The following SLC25A32 variants were observed in gnomAD, a reference collection of about 807,000 sequenced individuals.
The protein encoded by SLC25A32 is solute carrier family 25 member 32.
In SLC25A32, 32 loss-of-function variants were observed where a neutral mutation model predicts 39.0. That is an observed-to-expected ratio of 0.82 (90% confidence interval 0.62 to 1.10). The LOEUF is 1.10. Ranked by LOEUF, SLC25A32 falls within the 50% of genes least tolerant of loss-of-function variation. The probability of loss-of-function intolerance (pLI) is 0.00; values close to 1 mark genes in which losing one functional copy is unlikely to be tolerated. For synonymous variants in SLC25A32, 166 were observed against 152.4 expected, an observed-to-expected ratio of 1.09 and a Z score of -0.66; for missense variants, 367 against 395.3, an observed-to-expected ratio of 0.93 and a Z score of 0.61.
intron 1 of SLC25A32, among the ~76,000 whole-genome samples, chr8:103,409,917 G>T (rs1042633545): frequency 1.3e-5 from 2 of 152,154 alleles, no homozygotes; most frequent in East Asian, 1.9e-4. Context: ...GTACCTCACC[G>T]GGTTTTTTGA....
At position 103,401,622 on chromosome 8, in the gene SLC25A32, T is replaced by C; in HGVS notation, c.706A>G (p.Ile236Val). ...EYISVAALSK[I>V]FAVAATYPYQ... is the part of the protein sequence containing the mutation. ...GGGTATGTTGCTGCGACAGCAAATATTTTGGATAGTGCTGCAACAGATATA... is the reference window on the plus strand; with the variant it reads ...GGGTATGTTGCTGCGACAGCAAATACTTTGGATAGTGCTGCAACAGATATA... Residue 236 changes from isoleucine to valine, a missense_variant, in exon 6 of 7, where the codon ATA (isoleucine) becomes GTA (valine). Coordinates refer to ENST00000297578, the MANE Select transcript of SLC25A32 (RefSeq NM_030780.5). 6.2e-7 allele frequency: 1 copy of C among 1,613,474 alleles called. No homozygotes were observed. Among genetic ancestry groups the C allele is most frequent in the Admixed American group, 1.7e-5 (1 of 59,900 alleles).
Position 103,400,583 on chromosome 8 carries a change from T to C in SLC25A32, c.813-37A>G, listed in dbSNP as rs752078662. ...AAAATAGATAATGCTTAATTTTGTA[T>C]AGAGCTAGCTTGAAAACACGGAAGT... On this transcript the variant is annotated intron_variant, in intron 6 of 6. Coordinates refer to ENST00000297578, the MANE Select transcript of SLC25A32 (RefSeq NM_030780.5). The C allele has an allele frequency of 3.2e-5, 51 of 1,605,830 alleles. No homozygotes were observed. In the South Asian group the frequency reaches 4.0e-4, roughly 13 times the overall value.
At chr8:103,401,912 T>C (rs377027414) in intron 5 of SLC25A32, 29 bp downstream of exon 5, 6 of 1,561,226 alleles carry the variant, frequency 3.8e-6, no homozygotes, top group South Asian at 1.2e-5. Flanking sequence ...TAAAAGGAAA[T>C]GATATCATTT....
chr8:103,407,829 C>T (rs528929801), intron 1 of SLC25A32, 45 bp from the exon 2 acceptor site: 1 of 1,547,882 alleles, frequency 6.5e-7, no homozygotes, highest in East Asian at 2.3e-5. Context: ...AAAGTTCTAG[C>T]TCTGTATCAC....
chr8:103,405,184 G>A (rs966119892), intron 2 of SLC25A32, among the ~76,000 whole-genome samples: 2 of 152,162 alleles, frequency 1.3e-5, no homozygotes, highest in South Asian at 4.1e-4. Context: ...AAGACAAAAG[G>A]GACCAAAGAA....
chr8:103,404,703 A>G, intron 3 of SLC25A32, 73 bp downstream of exon 3: 1 of 989,236 alleles, frequency 1.0e-6, no homozygotes. Context: ...GTGTTCAAAG[A>G]AAAGAAATCA....
At chr8:103,412,335 G>A (rs1002090170) in intron 1 of SLC25A32, among the ~76,000 whole-genome samples, 4 of 152,138 alleles carry the variant, frequency 2.6e-5, no homozygotes, top group African/African-American at 9.7e-5. Context: ...TGCAGATTAG[G>A]CTTTTGGGTA....
chr8:103,405,948 T>G (rs1816320443), intron 2 of SLC25A32, among the ~76,000 whole-genome samples: 1 of 151,972 alleles, frequency 6.6e-6, no homozygotes, highest in Non-Finnish European at 1.5e-5. Flanking sequence ...GGATTACAGG[T>G]GTGAGCCACT....
Position 103,400,406 on chromosome 8 carries a change from T to C in SLC25A32, c.*5A>G. 4 of 1,614,118 alleles carry C rather than the reference T, an allele frequency of 2.5e-6. No individual in the cohort carries two copies. The highest frequency in any genetic ancestry group is 3.4e-6 in the Non-Finnish European group (4 of 1,179,988). On this transcript the variant is annotated 3_prime_UTR_variant, in exon 7 of 7. Coordinates refer to ENST00000297578, the MANE Select transcript of SLC25A32 (RefSeq NM_030780.5). ...GCAGATATACTGGAATTGTCCTCTT[T>C]GAGCTTACTTTCTCTTTTCTCTAAG...
In SLC25A32 at chr8:103,404,849, G is replaced by C. The variant is rs1816294851; in HGVS notation, c.318C>G (p.Ile106Met). Residue 106 changes from isoleucine to methionine, a missense_variant, in exon 3 of 7, where the codon ATC becomes ATG. By Grantham distance (10) the Ile-to-Met change is conservative. Transcript: ENST00000297578. Reference sequence around the variant, plus strand: ...CTCTTCCTTCTGTTTTATATGACTTGATGGCATTGTAACTAAAAGAATTAA... The same window carrying C: ...CTCTTCCTTCTGTTTTATATGACTTCATGGCATTGTAACTAAAAGAATTAA... The part of the protein sequence containing the change: ...WGLYFFFYNA[I>M]KSYKTEGRAE... 1.9e-6 allele frequency: 3 copies of C among 1,609,492 alleles called. No individual in the cohort carries two copies. The African/African-American group carries it at 4.0e-5, about 21-fold the overall frequency.
chr8:103,407,804 AAGTC>A lies in SLC25A32; in HGVS notation c.155-24_155-21del. The stretch of plus-strand genomic sequence containing the variant: ...CACTCACTGCATCAAGGGATACACA[AAGTC>A]AGGTAAGAACAAAGTTCTAGCTCTG... On this transcript the variant is annotated intron_variant, in intron 1 of 6. Transcript: ENST00000297578. 6.2e-7 allele frequency: 1 copy of A among 1,608,514 alleles called. No homozygotes were observed. The highest frequency in any genetic ancestry group is 8.5e-7 in the Non-Finnish European group (1 of 1,176,210).
At chr8:103,409,390 T>C (rs145598527) in intron 1 of SLC25A32, among the ~76,000 whole-genome samples, 5 of 152,276 alleles carry the variant, frequency 3.3e-5, no homozygotes, top group East Asian at 1.9e-4. Context: ...TTCCATCTTA[T>C]AGATATCCCA....
chr8:103,400,132 T>C lies in SLC25A32; in HGVS notation c.*279A>G, dbSNP rs1002291817. 1.0e-5 allele frequency: 4 copies of C among 388,788 alleles called. No individual in the cohort carries two copies. Among genetic ancestry groups the C allele is most frequent in the Non-Finnish European group, 1.8e-5 (4 of 216,398 alleles). The allele number at this position is 388,788 out of a possible 1,614,324, so 24.1% of individuals were successfully genotyped here. On this transcript the variant is annotated 3_prime_UTR_variant, in exon 7 of 7. Transcript: ENST00000297578. ...AATGTTGCAAATCAGCTTCCACCAA[T>C]AAAACGTAGAAATCTGTGAAACTCT...
At chr8:103,403,669 C>T (rs1362463495) in intron 3 of SLC25A32, among the ~76,000 whole-genome samples, 1 of 152,122 alleles carries the variant, frequency 6.6e-6, no homozygotes, top group African/African-American at 2.4e-5. Flanking sequence ...TAAGCAGATA[C>T]AGACCTTAGG....
At chr8:103,410,101 T>A (rs924208073) in intron 1 of SLC25A32, among the ~76,000 whole-genome samples, 1 of 152,110 alleles carries the variant, frequency 6.6e-6, no homozygotes, top group African/African-American at 2.4e-5. Flanking sequence ...AATAATAAAC[T>A]CACAATACCA....
intron 1 of SLC25A32, among the ~76,000 whole-genome samples, chr8:103,412,775 T>C (rs757849051): frequency 2.3e-4 from 35 of 152,200 alleles, no homozygotes; most frequent in South Asian, 4.1e-4. Context: ...GAGTTCCAAT[T>C]TATACTTGAA....
chr8:103,415,054 A>T lies in SLC25A32; in HGVS notation c.-117T>A, dbSNP rs768382507. The T allele has an allele frequency of 2.5e-6, 4 of 1,598,142 alleles. No individual in the cohort carries two copies. In the South Asian group the frequency reaches 4.4e-5, roughly 18 times the overall value. On this transcript the variant is annotated 5_prime_UTR_variant, in exon 1 of 7. In the 5' UTR this introduces an upstream ATG that the reference lacks. Coordinates refer to ENST00000297578, the MANE Select transcript of SLC25A32 (RefSeq NM_030780.5). ...GAGCGCAACCCCACCTCCGGGACCA[A>T]CGAGAGGACTCTTATGCCCAAGGCG...
At chr8:103,403,846 A>G (rs2130440455) in intron 3 of SLC25A32, among the ~76,000 whole-genome samples, 1 of 152,326 alleles carries the variant, frequency 6.6e-6, no homozygotes, top group South Asian at 2.1e-4. Flanking sequence ...TAATTATGTA[A>G]TACAGTAAGT....
At position 103,414,934 on chromosome 8, in the gene SLC25A32, T is replaced by C; in HGVS notation, c.4A>G (p.Thr2Ala). 1 of 1,603,506 alleles carries C rather than the reference T, an allele frequency of 6.2e-7. No homozygotes were observed. ...CCGGACGCCGACTGGCCCTGGCCCG[T>C]CATAGGCTCGGGGCCCGTCGACACC... M[T>A]GQGQSASGSS... Residue 2 changes from threonine to alanine, a missense_variant, in exon 1 of 7, where the codon ACG (threonine) becomes GCG (alanine). By Grantham distance (58) the Thr-to-Ala change is moderately conservative. Transcript: ENST00000297578.
Sources: allele counts gnomAD v4.1 joint callset (sites outside exome capture counted in the v4.1 genomes callset), GRCh38; gene constraint gnomAD v4.1.1; transcripts MANE v1.5; gene names NCBI Gene and HGNC (gene_info 2026-07-23, HGNC 2026-07-21).